Variants in TSPEAR observed in about 807,000 individuals in gnomAD.
The protein encoded by TSPEAR is thrombospondin type laminin G domain and EAR repeats, also known as thrombospondin-type laminin G domain and EAR repeat-containing protein.
TSPEAR carries 69 observed loss-of-function variants against 71.6 expected under a neutral mutation model. The observed-to-expected ratio is 0.96, with a 90% CI of 0.79 to 1.18. The LOEUF (loss-of-function observed/expected upper bound fraction) is 1.18. TSPEAR is among the 50% of genes most tolerant of loss of function. The pLI is 0.00. For missense variants in TSPEAR, 971 were observed against 894.9 expected (o/e 1.09, Z -1.09); for synonymous variants, 402 against 387.2 (o/e 1.04, Z -0.45).
intron 1 of TSPEAR, among the ~76,000 whole-genome samples, chr21:44,632,640 C>T (rs1178699717): frequency 6.6e-6 from 1 of 152,102 alleles, no homozygotes; most frequent in East Asian, 1.9e-4. Context: ...TTGAGACCAG[C>T]CTGGCCAACA....
At chr21:44,505,390 A>G (rs1032429294) in intron 10 of TSPEAR, among the ~76,000 whole-genome samples, 1 of 152,030 alleles carries the variant, frequency 6.6e-6, no homozygotes, top group African/African-American at 2.4e-5. Context: ...CAAATTTTAA[A>G]TTATGGTAAA....
In TSPEAR at chr21:44,538,012, C is replaced by T. The variant is rs114672751; in HGVS notation, c.304-4089G>A. Among the ~76,000 whole-genome samples, 991 of 152,294 alleles carry T rather than the reference C, an allele frequency of 6.5e-3. 14 individuals carry two copies. Among genetic ancestry groups the T allele is most frequent in the African/African-American group, 0.021 (892 of 41,560 alleles). ...CTGGGCAGCAACCACGCAGACCCCG[C>T]CCCCCAGGCTCCACCTCACTTTCTG... is the stretch of plus-strand genomic sequence containing the variant. On this transcript the variant is annotated intron_variant, in intron 2 of 11. Transcript: ENST00000323084.
chr21:44,545,940 C>G (rs2053297210), intron 2 of TSPEAR, among the ~76,000 whole-genome samples: 1 of 152,020 alleles, frequency 6.6e-6, no homozygotes, highest in South Asian at 2.1e-4. Context: ...AAGTAGAAAA[C>G]CAGTAGAATC....
chr21:44,511,605 A>G (rs2052380811), intron 9 of TSPEAR, among the ~76,000 whole-genome samples: 1 of 152,126 alleles, frequency 6.6e-6, no homozygotes, highest in African/African-American at 2.4e-5. Flanking sequence ...CATGACATCT[A>G]CACACACACA....
chr21:44,542,030 T>A (rs764558401), intron 2 of TSPEAR, among the ~76,000 whole-genome samples: 1 of 152,228 alleles, frequency 6.6e-6, no homozygotes, highest in East Asian at 1.9e-4. Flanking sequence ...GAGATCTAGA[T>A]ATTAGAATTG....
chr21:44,558,961 C>T (rs1443144156), intron 2 of TSPEAR, among the ~76,000 whole-genome samples: 1 of 152,104 alleles, frequency 6.6e-6, no homozygotes, highest in Non-Finnish European at 1.5e-5. Flanking sequence ...AGGCTCCTGA[C>T]TGGAGTTAGG....
At position 44,710,890 on chromosome 21, in the gene TSPEAR, T is replaced by C. The variant is rs1003475991; in HGVS notation, c.82+543A>G. On this transcript the variant is annotated intron_variant, in intron 1 of 11. Transcript: ENST00000323084. The surrounding 1 kb of genome is among the most constrained non-coding windows in gnomAD (Gnocchi z 4.6). Reference sequence around the variant, plus strand: ...CCCAGGGCTCTCCACTCAGACCAGATTACGCCCCAAAGAACCGAGCCCTTC... The same window carrying C: ...CCCAGGGCTCTCCACTCAGACCAGACTACGCCCCAAAGAACCGAGCCCTTC... Among the ~76,000 whole-genome samples the C allele has an allele frequency of 2.0e-5, 3 of 152,112 alleles. No homozygotes were observed. The highest frequency in any genetic ancestry group is 4.4e-5 in the Non-Finnish European group (3 of 68,018).
chr21:44,516,300 T>C (rs1404005955), intron 9 of TSPEAR: 1 of 152,290 alleles, frequency 6.6e-6, no homozygotes, highest in Admixed American at 6.5e-5. Context: ...AGGCCTTGTT[T>C]ATCTGGGAGC....
At chr21:44,650,420 C>CGGCAGCAGAGACTGGGGCCACGTGACGAT (rs1569240988) in intron 1 of TSPEAR, among the ~76,000 whole-genome samples, 3 of 149,428 alleles carry the variant, frequency 2.0e-5, no homozygotes, top group South Asian at 2.1e-4. Context: ...CATGTGACGA[C>CGGCAGCAGAGACTGGGGCCACGTGACGAT]GGCGGCAGAG....
chr21:44,581,813 C>T (rs1309712523), intron 1 of TSPEAR, among the ~76,000 whole-genome samples: 2 of 152,164 alleles, frequency 1.3e-5, no homozygotes, highest in East Asian at 1.9e-4. Flanking sequence ...TTTCACTGGA[C>T]ATCAGTTAAG....
rs587774103 is a variant in TSPEAR, at chr21:44,617,601, G to C, written c.83-49596C>G. The stretch of plus-strand genomic sequence containing the variant: ...AGGGATGCTGGCAAGGTGTGGCCGT[G>C]ACCAGGTTGCCTGCAAGAGGCCCTG... On this transcript the variant is annotated intron_variant, in intron 1 of 11. Coordinates refer to ENST00000323084, the MANE Select transcript of TSPEAR (RefSeq NM_144991.3). 5.3e-5 allele frequency among the ~76,000 whole-genome samples: 8 copies of C among 152,370 alleles called. No homozygotes were observed. In the East Asian group the frequency reaches 1.5e-3, roughly 29 times the overall value.
At chr21:44,575,397 T>C in intron 1 of TSPEAR, 1 of 243,912 alleles carries the variant, frequency 4.1e-6, no homozygotes, top group Non-Finnish European at 8.4e-6. Context: ...ATTAATGCCT[T>C]GGCTGGAGCT....
intron 1 of TSPEAR, among the ~76,000 whole-genome samples, chr21:44,602,907 C>T (rs1981063563): frequency 6.6e-6 from 1 of 152,142 alleles, no homozygotes; most frequent in Non-Finnish European, 1.5e-5. Context: ...AATACCACAA[C>T]CTGTGTGGCC....
chr21:44,681,188 A>G (rs1986566757), intron 1 of TSPEAR, among the ~76,000 whole-genome samples: 1 of 152,232 alleles, frequency 6.6e-6, no homozygotes, highest in Admixed American at 6.5e-5. Context: ...TGCAGAACTA[A>G]TCCAGTTCTG....
intron 11 of TSPEAR, among the ~76,000 whole-genome samples, chr21:44,503,858 G>C (rs1351027010): frequency 7.0e-6 from 1 of 142,878 alleles, no homozygotes; most frequent in Non-Finnish European, 1.5e-5. Flanking sequence ...GAGCCCTTGG[G>C]GGGAAGCCGG....
At chr21:44,703,220 G>A (rs1471131400) in intron 1 of TSPEAR, among the ~76,000 whole-genome samples, 1 of 152,172 alleles carries the variant, frequency 6.6e-6, no homozygotes, top group East Asian at 1.9e-4. Context: ...ACACACCCCT[G>A]GCTTCGGCAA....
intron 9 of TSPEAR, chr21:44,515,744 C>T (rs2052545986): frequency 6.6e-6 from 1 of 152,268 alleles, no homozygotes; most frequent in Non-Finnish European, 1.5e-5. Context: ...GACAGAAGCC[C>T]CGTGTTTTTC....
intron 1 of TSPEAR, chr21:44,580,700 C>G: frequency 3.8e-6 from 4 of 1,064,150 alleles, no homozygotes; most frequent in Non-Finnish European, 5.5e-6. Context: ...TAAATCCCTC[C>G]CTGGCGTGTG....
At chr21:44,555,005 A>ATTAAACAT (rs2053503297) in intron 2 of TSPEAR, among the ~76,000 whole-genome samples, 1 of 152,224 alleles carries the variant, frequency 6.6e-6, no homozygotes, top group Non-Finnish European at 1.5e-5. Context: ...CATAAAGGTA[A>ATTAAACAT]ACTTAAAAGC....
Sources: allele counts gnomAD v4.1 joint callset (sites outside exome capture counted in the v4.1 genomes callset), GRCh38; gene constraint gnomAD v4.1.1; non-coding constraint Gnocchi (gnomAD v3.1); transcripts MANE v1.5; gene names NCBI Gene and HGNC (gene_info 2026-07-23, HGNC 2026-07-21).